Variants in PRKD2 observed in about 807,000 individuals in gnomAD.
The protein encoded by PRKD2 is protein kinase D2.
PRKD2 carries 22 observed loss-of-function variants against 86.0 expected under a neutral mutation model. The observed-to-expected ratio is 0.26, with a 90% confidence interval of 0.18 to 0.37. The LOEUF (loss-of-function observed/expected upper bound fraction) is 0.37, where lower values mean the gene tolerates loss of function less well. PRKD2 is among the 10% of genes least tolerant of loss of function. PRKD2 has a pLI of 1.00. For synonymous variants in PRKD2, 509 were observed against 510.9 expected (o/e 1.00, Z 0.05); for missense variants, 818 against 1,199.2 (o/e 0.68, Z 4.70).
chr19:46,675,246 C>A, intron 16 of PRKD2, 128 bp from the exon 17 acceptor site: 1 of 748,776 alleles, frequency 1.3e-6, no homozygotes, highest in Non-Finnish European at 2.3e-6. Flanking sequence ...GGCTCAGAAG[C>A]CTCACCTGTG....
intron 2 of PRKD2, 34 bp downstream of exon 2, chr19:46,713,829 A>T (rs1277508028): frequency 6.3e-6 from 4 of 634,894 alleles, no homozygotes; most frequent in Non-Finnish European, 8.8e-6. Flanking sequence ...CCCCCACCCG[A>T]GGCCCCGCCC....
intron 2 of PRKD2, among the ~76,000 whole-genome samples, chr19:46,712,953 T>C (rs946609290): frequency 6.6e-6 from 1 of 152,188 alleles, no homozygotes; most frequent in Admixed American, 6.5e-5. Context: ...TTTGCAGAGA[T>C]TCTGATTTAA....
In PRKD2 at chr19:46,704,954, A is replaced by G. The variant is rs374553538; in HGVS notation, c.512-305T>C. Among the ~76,000 whole-genome samples the G allele has an allele frequency of 8.6e-5, 11 of 128,078 alleles. No individual in the cohort carries two copies. The South Asian group carries it at 2.5e-3, about 29-fold the overall frequency. The allele number at this position is 128,078 out of a possible 152,430, so 84.0% of individuals were successfully genotyped here. ...AAGGGACACCTCAAAGGCTCCCCCC[A>G]AAGCTCTGTCCCCAGTTTCAGCTTG... On this transcript the variant is annotated intron_variant, in intron 3 of 17. Coordinates refer to ENST00000291281, the MANE Select transcript of PRKD2 (RefSeq NM_016457.5).
At chr19:46,697,592 C>T in intron 8 of PRKD2, 141 bp downstream of exon 8, 2 of 728,340 alleles carry the variant, frequency 2.7e-6, no homozygotes, top group Non-Finnish European at 2.3e-6. Context: ...ATTCTAGCCC[C>T]GCCTCCAGCA....
chr19:46,713,400 T>A (rs573826474), intron 2 of PRKD2, among the ~76,000 whole-genome samples: 11 of 152,070 alleles, frequency 7.2e-5, no homozygotes, highest in African/African-American at 2.7e-4. Context: ...CTTTTCCCCC[T>A]TCTAACTACT....
chr19:46,678,742 A>G lies in PRKD2; in HGVS notation c.2071-79T>C. On this transcript the variant is annotated intron_variant, in intron 15 of 17. Coordinates refer to ENST00000291281, the MANE Select transcript of PRKD2 (RefSeq NM_016457.5). The surrounding 1 kb of genome is among the most constrained non-coding windows in gnomAD (Gnocchi z 5.7). The stretch of plus-strand genomic sequence containing the variant: ...CAGCATCCCCACCACACCACCCTCC[A>G]TGGTATTCCAGAGAAAGCTGGATGC... The G allele has an allele frequency of 6.8e-7, 1 of 1,468,610 alleles. No homozygotes were observed. The highest frequency in any genetic ancestry group is 1.3e-5 in the South Asian group (1 of 77,992). 91.0% of individuals were successfully genotyped at this position (1,468,610 alleles called of 1,614,324 possible).
At position 46,716,509 on chromosome 19, in the gene PRKD2, C is replaced by T; in HGVS notation, c.-139G>A. ...GGGATCCGAGAAAAGATCTGGCAGG[C>T]GGAGGGGACCTGAGGATGGCGGGGT... On this transcript the variant is annotated 5_prime_UTR_variant, in exon 1 of 18. Transcript: ENST00000291281. This position sits in a 1 kb window ranked among gnomAD's most constrained non-coding sequence, Gnocchi z 7.9. 2 of 511,210 alleles carry T rather than the reference C, an allele frequency of 3.9e-6. No individual in the cohort carries two copies. Among genetic ancestry groups the T allele is most frequent in the Non-Finnish European group, 6.8e-6 (2 of 296,180 alleles). 31.7% of individuals were successfully genotyped at this position (511,210 alleles called of 1,614,324 possible).
Position 46,686,416 on chromosome 19 carries a change from G to A in PRKD2, c.1971+3121C>T, listed in dbSNP as rs575827847. ...CTCAGGAGACTGAGATGGGAGGATCGCTCGAGCCCAGGAGTTCAAGACCAG... is the reference window on the plus strand; with the variant it reads ...CTCAGGAGACTGAGATGGGAGGATCACTCGAGCCCAGGAGTTCAAGACCAG... On this transcript the variant is annotated intron_variant, in intron 14 of 17. Coordinates refer to ENST00000291281, the MANE Select transcript of PRKD2 (RefSeq NM_016457.5). 4.7e-5 allele frequency among the ~76,000 whole-genome samples: 7 copies of A among 150,188 alleles called. No individual in the cohort carries two copies. The East Asian group carries it at 9.8e-4, about 21-fold the overall frequency.
At position 46,704,599 on chromosome 19, in the gene PRKD2, AGTT is replaced by A; in HGVS notation, c.559_561del (p.Asn187del). 6.2e-7 allele frequency: 1 copy of A among 1,613,664 alleles called. No homozygotes were observed. The highest frequency in any genetic ancestry group is 8.5e-7 in the Non-Finnish European group (1 of 1,179,800). On this transcript the variant is annotated inframe_deletion, in exon 4 of 18. Coordinates refer to ENST00000291281, the MANE Select transcript of PRKD2 (RefSeq NM_016457.5). ...AGGCGCCGTTTGCGGGCCCCACTAC[AGTT>A]GTTGGGGATGCTGAAGGCACAGCGC...
At position 46,704,336 on chromosome 19, in the gene PRKD2, G is replaced by A. The variant is rs1273019175; in HGVS notation, c.722C>T (p.Ser241Phe). 1.9e-6 allele frequency: 3 copies of A among 1,614,234 alleles called. No homozygotes were observed. The highest frequency in any genetic ancestry group is 3.3e-5 in the Admixed American group (2 of 60,028). ...GCGGCCCGTATACGATGAGGCAGAAGAGGAGGAAGAGGATGACGGGGGACG... is the reference window on the plus strand; with the variant it reads ...GCGGCCCGTATACGATGAGGCAGAAAAGGAGGAAGAGGATGACGGGGGACG... ...PRRPPSSSSS[S>F]SASSYTGRPI... Residue 241 changes from serine (S) to phenylalanine (F), a missense_variant, in exon 5 of 18, where the codon TCT becomes TTT. Ser to Phe is a radical substitution (Grantham distance 155). Coordinates refer to ENST00000291281, the MANE Select transcript of PRKD2 (RefSeq NM_016457.5).
rs1051056547 is a variant in PRKD2, at chr19:46,694,031, C to T, written c.1420G>A (p.Ala474Thr). 1.9e-6 allele frequency: 3 copies of T among 1,614,178 alleles called. No homozygotes were observed. The highest frequency in any genetic ancestry group is 2.5e-6 in the Non-Finnish European group (3 of 1,180,050). The change falls in exon 10 of 18, where the codon GCC becomes ACC. Residue 474 changes from alanine (A) to threonine (T), a missense_variant. Around this residue, in one of 5 missense-constraint regions of PRKD2, gnomAD observed 127 missense variants for 157.8 expected, o/e 0.80. Transcript: ENST00000291281. ...GGCATCTCGCCCACGAAGTAGGTGG[C>T]ATTGGCAGTGACGATCTCAAAGCAG... The part of the protein sequence containing the change: ...PHCFEIVTAN[A>T]TYFVGEMPGG...
At chr19:46,697,085 G>A in intron 9 of PRKD2, 72 bp downstream of exon 9, 4 of 1,196,204 alleles carry the variant, frequency 3.3e-6, no homozygotes, top group Non-Finnish European at 5.0e-6. Context: ...AGTAACTGGG[G>A]GTAGGAGGAG....
chr19:46,711,087 C>CT, intron 2 of PRKD2, 49 bp from the exon 3 acceptor site: 1 of 1,532,482 alleles, frequency 6.5e-7, no homozygotes, highest in Non-Finnish European at 8.8e-7. Context: ...TAGGCCAAAG[C>CT]TTTTCCAGAC....
chr19:46,684,444 C>T lies in PRKD2; in HGVS notation c.1972-2696G>A, dbSNP rs112601846. Among the ~76,000 whole-genome samples, 298 of 152,220 alleles carry T rather than the reference C, an allele frequency of 2.0e-3. 1 individual carries two copies. The highest frequency in any genetic ancestry group is 7.0e-3 in the African/African-American group (292 of 41,582). On this transcript the variant is annotated intron_variant, in intron 14 of 17. Transcript: ENST00000291281. Reference sequence around the variant, plus strand: ...TCAAGCAATTCTTGTGCCTCAGCCTCCCCAGTAGCTGGGATTACAGGTGAA... The same window carrying T: ...TCAAGCAATTCTTGTGCCTCAGCCTTCCCAGTAGCTGGGATTACAGGTGAA...
At position 46,676,121 on chromosome 19, in the gene PRKD2, C is replaced by T. The variant is rs184829598; in HGVS notation, c.2339-1003G>A. On this transcript the variant is annotated intron_variant, in intron 16 of 17. Transcript: ENST00000291281. ...TTATCAGGTTTATCTAACCCCAGTGCAAATCAGGGAGCATCTATGTCATCA... is the reference window on the plus strand; with the variant it reads ...TTATCAGGTTTATCTAACCCCAGTGTAAATCAGGGAGCATCTATGTCATCA... 2.2e-3 allele frequency among the ~76,000 whole-genome samples: 336 copies of T among 151,672 alleles called. 1 individual carries two copies. Among genetic ancestry groups the T allele is most frequent in the African/African-American group, 7.7e-3 (320 of 41,378 alleles).
At chr19:46,695,770 G>A (rs1268379837) in intron 9 of PRKD2, among the ~76,000 whole-genome samples, 1 of 152,182 alleles carries the variant, frequency 6.6e-6, no homozygotes, top group Non-Finnish European at 1.5e-5. Context: ...GAATGACTTA[G>A]GCAGCCCATA....
intron 2 of PRKD2, among the ~76,000 whole-genome samples, chr19:46,711,973 CAGG>C (rs1376067746): frequency 6.6e-6 from 1 of 151,286 alleles, no homozygotes; most frequent in Non-Finnish European, 1.5e-5. Context: ...GAGGCTGAGG[CAGG>C]AGAATTGCTT....
At chr19:46,694,222 T>G in intron 9 of PRKD2, 89 bp from the exon 10 acceptor site, 1 of 1,518,692 alleles carries the variant, frequency 6.6e-7, no homozygotes, top group Non-Finnish European at 8.9e-7. Context: ...GGATCCATGT[T>G]GATAGGGATG....
intron 9 of PRKD2, among the ~76,000 whole-genome samples, chr19:46,695,477 C>T (rs970659000): frequency 3.9e-5 from 6 of 152,292 alleles, no homozygotes; most frequent in Non-Finnish European, 5.9e-5. Context: ...AGCGAGACTC[C>T]GTCTCAAAAA....
Sources: gnomAD v4.1 joint callset for allele counts (sites outside exome capture counted in the v4.1 genomes callset) on GRCh38, gnomAD v4.1.1 for gene constraint, gnomAD v4.1.1 regional missense constraint, Gnocchi (gnomAD v3.1) non-coding constraint, MANE v1.5 for transcripts, NCBI Gene and HGNC (gene_info 2026-07-23, HGNC 2026-07-21) for gene names.